The following KLC1 variants were observed in gnomAD, a reference collection of about 807,000 sequenced individuals.
The protein encoded by KLC1 is kinesin light chain 1.
Under a neutral mutation model 84.2 loss-of-function variants are expected in KLC1, and 30 were observed. That is an observed-to-expected ratio of 0.36 (90% confidence interval 0.27 to 0.48). The LOEUF (loss-of-function observed/expected upper bound fraction) is 0.48, where lower values mean the gene tolerates loss of function less well. Ranked by LOEUF, KLC1 falls within the 20% of genes least tolerant of loss-of-function variation. The pLI is 0.99. For synonymous variants in KLC1, 289 were observed against 293.3 expected (o/e 0.99, Z 0.15); for missense variants, 499 against 805.4 (o/e 0.62, Z 4.60).
intron 1 of KLC1, among the ~76,000 whole-genome samples, chr14:103,636,488 G>C (rs774090069): frequency 3.9e-5 from 6 of 152,068 alleles, no homozygotes; most frequent in Non-Finnish European, 8.8e-5. Context: ...CCAAAGTGTT[G>C]GGATTACAGG....
In KLC1 at chr14:103,673,310, TTTTA is replaced by T; in HGVS notation, c.1162-18_1162-15del. 6.5e-7 allele frequency: 1 copy of T among 1,537,552 alleles called. No homozygotes were observed. ...ATTTACATCTGAAAGATATGAAATA[TTTTA>T]TTTTATTTTATTTTAAGGCATCCTG... is the stretch of plus-strand genomic sequence containing the variant. On this transcript the variant is annotated intron_variant, in intron 8 of 16. Transcript: ENST00000334553.
chr14:103,646,619 G>A (rs1053099183), intron 1 of KLC1, among the ~76,000 whole-genome samples: 2 of 152,036 alleles, frequency 1.3e-5, no homozygotes, highest in African/African-American at 4.8e-5. Context: ...GCATCTTTAT[G>A]CCTAGCTAAT....
chr14:103,685,649 C>G, intron 13 of KLC1: 2 of 1,289,444 alleles, frequency 1.6e-6, no homozygotes, highest in Non-Finnish European at 2.0e-6. Context: ...CCTAGCCGCC[C>G]GTGACTCTCA....
Position 103,668,721 on chromosome 14 carries a change from C to T in KLC1, c.798-790C>T, listed in dbSNP as rs187135122. 1.0e-3 allele frequency among the ~76,000 whole-genome samples: 150 copies of T among 148,342 alleles called. 3 individuals are homozygous for T. The East Asian group carries it at 0.021, about 21-fold the overall frequency. On this transcript the variant is annotated intron_variant, in intron 5 of 16. Coordinates refer to ENST00000334553, the MANE Select transcript of KLC1 (RefSeq NM_001394837.1). ...GTCTCGATCTTCTGACCTCGTGATCCGCCCGCCTCAGCCTCCCAAAGTGTT... is the reference window on the plus strand; with the variant it reads ...GTCTCGATCTTCTGACCTCGTGATCTGCCCGCCTCAGCCTCCCAAAGTGTT...
chr14:103,699,113 C>T (rs1201338552), intron 15 of KLC1: 3 of 1,571,460 alleles, frequency 1.9e-6, no homozygotes, highest in Non-Finnish European at 2.6e-6. Flanking sequence ...GAGGTGCACA[C>T]ACCACATGGC....
chr14:103,645,766 T>G (rs1336485261), intron 1 of KLC1, among the ~76,000 whole-genome samples: 2 of 151,404 alleles, frequency 1.3e-5, no homozygotes. Flanking sequence ...ACAATCCTTT[T>G]TTTTTTTTTG....
intron 11 of KLC1, among the ~76,000 whole-genome samples, chr14:103,677,170 G>A (rs2080971696): frequency 6.6e-6 from 1 of 152,224 alleles, no homozygotes; most frequent in Admixed American, 6.5e-5. Context: ...CCTCAGCCTG[G>A]ATGGAGTGTG....
At chr14:103,643,850 C>T (rs931010226) in intron 1 of KLC1, among the ~76,000 whole-genome samples, 2 of 151,870 alleles carry the variant, frequency 1.3e-5, no homozygotes, top group African/African-American at 2.4e-5. Flanking sequence ...ATCACTTGAG[C>T]GCAGAAGGTG....
intron 1 of KLC1, among the ~76,000 whole-genome samples, chr14:103,650,214 T>TTC: frequency 1.1e-5 from 1 of 95,196 alleles, no homozygotes; most frequent in South Asian, 4.1e-4. Flanking sequence ...GGGAAGGGAG[T>TTC]ATTTCTGAGC....
Position 103,678,417 on chromosome 14 carries a change from C to T in KLC1, c.1488+894C>T, listed in dbSNP as rs527838384. 3.3e-5 allele frequency among the ~76,000 whole-genome samples: 5 copies of T among 152,240 alleles called. No individual in the cohort carries two copies. The East Asian group carries it at 9.7e-4, about 29-fold the overall frequency. ...AAGTGAAAGGGGACTGGGTGTGGTGCTGAGCACCTGCAATTCCTGCACGTT... is the reference window on the plus strand; with the variant it reads ...AAGTGAAAGGGGACTGGGTGTGGTGTTGAGCACCTGCAATTCCTGCACGTT... On this transcript the variant is annotated intron_variant, in intron 12 of 16. Coordinates refer to ENST00000334553, the MANE Select transcript of KLC1 (RefSeq NM_001394837.1).
At chr14:103,649,870 T>G (rs1420883893) in intron 1 of KLC1, among the ~76,000 whole-genome samples, 2 of 152,060 alleles carry the variant, frequency 1.3e-5, no homozygotes, top group Non-Finnish European at 2.9e-5. Flanking sequence ...TAATTTTTTG[T>G]ATTTTTAGTA....
intron 5 of KLC1, among the ~76,000 whole-genome samples, chr14:103,667,165 G>A (rs953701386): frequency 1.3e-5 from 2 of 151,914 alleles, no homozygotes; most frequent in African/African-American, 2.4e-5. Context: ...AGGCTGGAGT[G>A]CAATGGCACA....
chr14:103,698,846 C>CGT, intron 15 of KLC1: 1 of 1,607,318 alleles, frequency 6.2e-7, no homozygotes, highest in Non-Finnish European at 8.5e-7. Flanking sequence ...CGGCACTGAT[C>CGT]GTGTAGGAAC....
intron 2 of KLC1, among the ~76,000 whole-genome samples, chr14:103,657,082 A>G (rs773953856): frequency 1.3e-5 from 2 of 152,150 alleles, no homozygotes; most frequent in Admixed American, 6.5e-5. Context: ...CTCACCTTGG[A>G]ACATCAAGGA....
intron 16 of KLC1, among the ~76,000 whole-genome samples, 186 bp from the exon 17 acceptor site, chr14:103,701,015 A>G (rs1161107529): frequency 6.6e-6 from 1 of 152,122 alleles, no homozygotes; most frequent in African/African-American, 2.4e-5. Context: ...TGCTCCAGGG[A>G]GCAGAGACCA....
At chr14:103,641,571 G>C (rs1258209044) in intron 1 of KLC1, among the ~76,000 whole-genome samples, 1 of 152,106 alleles carries the variant, frequency 6.6e-6, no homozygotes, top group African/African-American at 2.4e-5. Context: ...AAGAGTGTGA[G>C]AGAGTTCCCT....
intron 1 of KLC1, among the ~76,000 whole-genome samples, chr14:103,630,608 A>G (rs1260456798): frequency 6.6e-6 from 1 of 152,168 alleles, no homozygotes; most frequent in Non-Finnish European, 1.5e-5. Context: ...TTAGTGAAAG[A>G]CACTTTAGAA....
intron 13 of KLC1, chr14:103,683,923 A>G (rs1347304808): frequency 1.3e-5 from 2 of 152,270 alleles, no homozygotes; most frequent in African/African-American, 4.8e-5. Flanking sequence ...CATGCCTGTA[A>G]TCCCAGGACT....
At chr14:103,685,673 A>G in intron 13 of KLC1, 1 of 1,289,448 alleles carries the variant, frequency 7.8e-7, no homozygotes. Flanking sequence ...TGTCTCCTGC[A>G]TGACGGGTGG....
Sources: gnomAD v4.1 joint callset for allele counts (sites outside exome capture counted in the v4.1 genomes callset) on GRCh38, gnomAD v4.1.1 for gene constraint, MANE v1.5 for transcripts, NCBI Gene and HGNC (gene_info 2026-07-23, HGNC 2026-07-21) for gene names.